Variants in STUM observed in about 807,000 individuals in gnomAD.
The protein encoded by STUM is protein stum homolog.
STUM carries 8 observed loss-of-function variants against 15.3 expected under a neutral mutation model. The observed-to-expected ratio is 0.52, with a 90% CI of 0.31 to 0.94. STUM has a LOEUF of 0.94. Ranked by LOEUF, STUM falls within the 40% of genes least tolerant of loss-of-function variation. STUM has a pLI of 0.05. For missense variants in STUM, 142 were observed against 204.9 expected, an observed-to-expected ratio of 0.69 and a Z score of 1.87; for synonymous variants, 78 against 88.7, an observed-to-expected ratio of 0.88 and a Z score of 0.68.
Position 226,565,592 on chromosome 1 carries a change from C to T in STUM, c.202+16486C>T, listed in dbSNP as rs1029272910. On this transcript the variant is annotated intron_variant, in intron 1 of 3. Coordinates refer to ENST00000366788, the MANE Select transcript of STUM (RefSeq NM_001003665.4). The surrounding 1 kb of genome is among the most constrained non-coding windows in gnomAD (Gnocchi z 4.4). ...CTGCCGTCTGAAAAGTGTGGGTGTC[C>T]AGCTTGCAAATGGCTCTGGTGCTCA... 2.0e-5 allele frequency among the ~76,000 whole-genome samples: 3 copies of T among 152,216 alleles called. No individual in the cohort carries two copies. The highest frequency in any genetic ancestry group is 7.2e-5 in the African/African-American group (3 of 41,444).
intron 1 of STUM, among the ~76,000 whole-genome samples, chr1:226,558,384 C>T (rs189049681): frequency 1.2e-3 from 181 of 152,292 alleles, no homozygotes; most frequent in African/African-American, 4.1e-3. Context: ...TGGGGGTGGA[C>T]AGGGTGACTA....
intron 1 of STUM, among the ~76,000 whole-genome samples, chr1:226,560,422 T>C (rs1233330429): frequency 6.6e-6 from 1 of 152,230 alleles, no homozygotes; most frequent in African/African-American, 2.4e-5. Context: ...GTGTTGCTGG[T>C]TGGCAAGACG....
intron 2 of STUM, chr1:226,597,429 C>T (rs558540999): frequency 3.2e-5 from 15 of 472,782 alleles, no homozygotes; most frequent in East Asian, 6.9e-5. Context: ...ACATGTGAGG[C>T]CACAGTTCCT....
chr1:226,592,628 T>C (rs1668109272), intron 1 of STUM, among the ~76,000 whole-genome samples: 1 of 152,246 alleles, frequency 6.6e-6, no homozygotes. Flanking sequence ...ACTTCACATT[T>C]TCCACACATA....
chr1:226,570,234 AAACAGCTGTTAGTGT>A (rs1428513017), intron 1 of STUM, among the ~76,000 whole-genome samples: 1 of 152,212 alleles, frequency 6.6e-6, no homozygotes, highest in African/African-American at 2.4e-5. Context: ...GGCCTTTGGA[AAACAGCTGTTAGTGT>A]AACCCAGCAG....
In STUM at chr1:226,548,791, C is replaced by A; in HGVS notation, c.-114C>A. ...GAGCCGCGCGGCGCACGGAGCACGGCGGCCGCCTGAGCTCGGCGCGGAGCC... is the reference window on the plus strand; with the variant it reads ...GAGCCGCGCGGCGCACGGAGCACGGAGGCCGCCTGAGCTCGGCGCGGAGCC... On this transcript the variant is annotated 5_prime_UTR_variant, in exon 1 of 4. Coordinates refer to ENST00000366788, the MANE Select transcript of STUM (RefSeq NM_001003665.4). 2 of 869,016 alleles carry A rather than the reference C, an allele frequency of 2.3e-6. No individual in the cohort carries two copies. The highest frequency in any genetic ancestry group is 3.0e-6 in the Non-Finnish European group (2 of 666,298). 53.8% of individuals were successfully genotyped at this position (869,016 alleles called of 1,614,324 possible).
intron 1 of STUM, among the ~76,000 whole-genome samples, chr1:226,550,061 C>T (rs1667346896): frequency 6.6e-6 from 1 of 152,200 alleles, no homozygotes; most frequent in African/African-American, 2.4e-5. Context: ...CTCCCGTGCC[C>T]GCCCGAAGAA....
At chr1:226,584,699 G>T (rs180797402) in intron 1 of STUM, among the ~76,000 whole-genome samples, 1 of 152,292 alleles carries the variant, frequency 6.6e-6, no homozygotes, top group African/African-American at 2.4e-5. Context: ...AAATCCAGGG[G>T]CTTCTGTCAC....
chr1:226,553,998 C>G (rs1474068510), intron 1 of STUM, among the ~76,000 whole-genome samples: 1 of 152,210 alleles, frequency 6.6e-6, no homozygotes, highest in African/African-American at 2.4e-5. Context: ...CACACCCCCA[C>G]CCGATGCCAT....
Position 226,565,711 on chromosome 1 carries a change from C to T in STUM, c.202+16605C>T, listed in dbSNP as rs558077600. Among the ~76,000 whole-genome samples the T allele has an allele frequency of 1.3e-4, 20 of 152,278 alleles. No homozygotes were observed. The highest frequency in any genetic ancestry group is 1.3e-3 in the Admixed American group (20 of 15,302). ...CTGCCTGGGTAGTTCTGCATACCCC[C>T]CATCCTCCCGTCTCTCGCCCACGCT... On this transcript the variant is annotated intron_variant, in intron 1 of 3. Coordinates refer to ENST00000366788, the MANE Select transcript of STUM (RefSeq NM_001003665.4). This position sits in a 1 kb window ranked among gnomAD's most constrained non-coding sequence, Gnocchi z 4.4.
intron 1 of STUM, among the ~76,000 whole-genome samples, chr1:226,554,332 T>A (rs965996718): frequency 5.9e-5 from 9 of 152,236 alleles, no homozygotes; most frequent in African/African-American, 2.2e-4. Flanking sequence ...TGTCCCAGCA[T>A]GACATATGCA....
In STUM at chr1:226,548,933, C is replaced by G. The variant is rs546139392; in HGVS notation, c.29C>G (p.Thr10Arg). ...GAGCCCTCGCACAAAGACGCCGAGA[C>G]GGCGGCGGCGGCGGCGGCGGTGGCG... The part of the protein sequence containing the change: MEPSHKDAE[T>R]AAAAAAVAAA... The change falls in exon 1 of 4, where the codon ACG becomes AGG. Residue 10 changes from threonine (T) to arginine (R), a missense_variant. Thr to Arg is a moderately conservative substitution (Grantham distance 71). Transcript: ENST00000366788. 106 of 1,394,330 alleles carry G rather than the reference C, an allele frequency of 7.6e-5. No homozygotes were observed. In the South Asian group the frequency reaches 1.5e-3, roughly 20 times the overall value. 86.4% of individuals were successfully genotyped at this position (1,394,330 alleles called of 1,614,324 possible).
chr1:226,585,609 C>T (rs527323353), intron 1 of STUM, among the ~76,000 whole-genome samples: 1 of 152,248 alleles, frequency 6.6e-6, no homozygotes. Context: ...CCTTTGTATT[C>T]ACAGTGTTAT....
At chr1:226,587,452 A>G (rs1668014528) in intron 1 of STUM, among the ~76,000 whole-genome samples, 1 of 152,128 alleles carries the variant, frequency 6.6e-6, no homozygotes, top group African/African-American at 2.4e-5. Flanking sequence ...CTGATGCCGC[A>G]ATACACCTGC....
chr1:226,563,773 G>A (rs1558278961), intron 1 of STUM, among the ~76,000 whole-genome samples: 3 of 152,242 alleles, frequency 2.0e-5, no homozygotes, highest in Non-Finnish European at 4.4e-5. Flanking sequence ...CATGCCGAGA[G>A]GGCATGAGAG....
At chr1:226,553,050 C>T (rs2102684363) in intron 1 of STUM, among the ~76,000 whole-genome samples, 1 of 152,292 alleles carries the variant, frequency 6.6e-6, no homozygotes, top group Non-Finnish European at 1.5e-5. Context: ...AGGAAGTTTA[C>T]AGCCTACTAA....
intron 1 of STUM, among the ~76,000 whole-genome samples, chr1:226,572,069 C>T (rs1206276817): frequency 1.3e-5 from 2 of 152,142 alleles, no homozygotes; most frequent in African/African-American, 4.8e-5. Context: ...AGCAGAGAGG[C>T]AACAAGACAC....
chr1:226,588,263 C>T (rs1236603696), intron 1 of STUM, among the ~76,000 whole-genome samples: 2 of 152,194 alleles, frequency 1.3e-5, no homozygotes, highest in Non-Finnish European at 2.9e-5. Flanking sequence ...CACAGCCCCT[C>T]CGCAGACCTG....
rs1273208352 is a variant in STUM at position 226,607,205 on chromosome 1, A to G, written c.*5165A>G. 6.6e-6 allele frequency: 1 copy of G among 152,252 alleles called. No individual in the cohort carries two copies. The highest frequency in any genetic ancestry group is 1.5e-5 in the Non-Finnish European group (1 of 68,120). 9.4% of individuals were successfully genotyped at this position (152,252 alleles called of 1,614,324 possible). On this transcript the variant is annotated 3_prime_UTR_variant, in exon 4 of 4. Transcript: ENST00000366788. ...GGCTCAGGGGCCTGTGTTTTTCATC[A>G]ATCAGTTTTCTTCCTGCAAGATTCT...
Sources: gnomAD v4.1 joint callset for allele counts (sites outside exome capture counted in the v4.1 genomes callset) on GRCh38, gnomAD v4.1.1 for gene constraint, Gnocchi (gnomAD v3.1) non-coding constraint, MANE v1.5 for transcripts, NCBI Gene and HGNC (gene_info 2026-07-23, HGNC 2026-07-21) for gene names.